The following SETD1B variants were observed in gnomAD, a reference collection of about 807,000 sequenced individuals.
SETD1B encodes histone-lysine N-methyltransferase SETD1B.
A neutral mutation model predicts 148.0 loss-of-function variants in SETD1B; 7 were observed. The ratio of observed to expected loss-of-function variants is 0.05; its 90% CI spans 0.03 to 0.09. The LOEUF is 0.09. Among genes scored for constraint, SETD1B ranks in the 10% least tolerant of loss-of-function variants. The pLI, the probability that SETD1B is intolerant of heterozygous loss-of-function variation, is 1.00. For missense variants in SETD1B, 2,155 were observed against 2,729.9 expected (o/e 0.79, Z 4.69); for synonymous variants, 1,361 against 1,186.5 (o/e 1.15, Z -3.02).
chr12:121,813,362 A>C (rs1283561710), intron 6 of SETD1B, among the ~76,000 whole-genome samples: 3 of 152,178 alleles, frequency 2.0e-5, no homozygotes, highest in South Asian at 4.2e-4. Context: ...GTGCTGCTAA[A>C]CCCCCGCTCC....
chr12:121,799,717 T>TGGGGGGGGGGGGGGGGGGG (rs1456064145), upstream of SETD1B: 25 of 19,136 alleles, frequency 1.3e-3, no homozygotes, highest in East Asian at 2.0e-3. Flanking sequence ...CGCTCGCAGC[T>TGGGGGGGGGGGGGGGGGGG]GGGGGGGGGG....
rs1441873478 is a variant in SETD1B, at chr12:121,823,530, G to A, written c.4951G>A (p.Glu1651Lys). ...PWRRPPKKRH[E>K]DLVPPAGSPE... ...GCGCCGGCCACCTAAGAAGCGCCAT[G>A]AGGACCTGGTGCCACCTGCGGGCTC... The change falls in exon 12 of 17, where the codon GAG becomes AAG. Residue 1651 changes from glutamate (E) to lysine (K), a missense_variant. By Grantham distance (56) the Glu-to-Lys change is moderately conservative. This residue lies in a region of SETD1B where 862 missense variants were observed against 873.8 expected (regional missense o/e 0.99). Coordinates refer to ENST00000604567, the MANE Select transcript of SETD1B (RefSeq NM_001353345.2). The A allele has an allele frequency of 1.3e-6, 2 of 1,551,156 alleles. No homozygotes were observed. The highest frequency in any genetic ancestry group is 3.9e-5 in the Admixed American group (2 of 51,008).
At chr12:121,792,887 G>A in the SETD1B span, among the ~76,000 whole-genome samples, 1 of 152,254 alleles carries the variant, frequency 6.6e-6, no homozygotes, top group South Asian at 2.1e-4. Context: ...TAGAACCACA[G>A]GAGAGGAACG....
At chr12:121,829,599 T>A (rs1053993326) in intron 16 of SETD1B, among the ~76,000 whole-genome samples, 2 of 152,248 alleles carry the variant, frequency 1.3e-5, no homozygotes, top group African/African-American at 4.8e-5. Flanking sequence ...AGATAATAAA[T>A]GTTTTTGGCT....
chr12:121,817,139 G>A lies in SETD1B; in HGVS notation c.2822G>A (p.Gly941Asp). Residue 941 changes from glycine (G) to aspartate (D), a missense_variant, in exon 8 of 17, where the codon GGC becomes GAC. By Grantham distance (94) the Gly-to-Asp change is moderately conservative (BLOSUM62 -1). Around this residue, in one of 11 missense-constraint regions of SETD1B, gnomAD observed 289 missense variants for 423.7 expected, o/e 0.68. Coordinates refer to ENST00000604567, the MANE Select transcript of SETD1B (RefSeq NM_001353345.2). The surrounding 1 kb of genome is among the most constrained non-coding windows in gnomAD (Gnocchi z 8.1). ...CLLESWGKGEGLGYEGLGLGI... is the reference protein window; with the variant it reads ...CLLESWGKGEDLGYEGLGLGI... Reference sequence around the variant, plus strand: ...CTGGAGTCATGGGGCAAGGGCGAGGGCCTGGGCTACGAGGGCCTGGGCCTG... The same window carrying A: ...CTGGAGTCATGGGGCAAGGGCGAGGACCTGGGCTACGAGGGCCTGGGCCTG... 27 of 1,548,844 alleles carry A rather than the reference G, an allele frequency of 1.7e-5. No homozygotes were observed. Among genetic ancestry groups the A allele is most frequent in the Non-Finnish European group, 2.3e-5 (26 of 1,146,892 alleles).
Position 121,814,759 on chromosome 12 carries a change from C to T in SETD1B, c.2544C>T (p.Gly848=), listed in dbSNP as rs963108651. Residue 848 remains glycine, a synonymous_variant, in exon 7 of 17, where the codon GGC becomes GGT. Transcript: ENST00000604567. The stretch of plus-strand genomic sequence containing the variant: ...TTGACCCGTCAGTGCCTCCACCAGG[C>T]TACATGCCACGCCAGGAGGACCCAC... ...PKFDPSVPPP[G]YMPRQEDPHK... is the part of the protein sequence containing the mutation. 2 of 1,551,416 alleles carry T rather than the reference C, an allele frequency of 1.3e-6. No individual in the cohort carries two copies. The highest frequency in any genetic ancestry group is 3.9e-5 in the Admixed American group (2 of 51,012).
Position 121,827,607 on chromosome 12 carries a change from C to T in SETD1B, c.5426C>T (p.Thr1809Ile). Residue 1809 changes from threonine (T) to isoleucine (I), a missense_variant, in exon 14 of 17, where the codon ACT becomes ATT. Around this residue, in one of 11 missense-constraint regions of SETD1B, gnomAD observed 51 missense variants for 162.8 expected, o/e 0.31. Transcript: ENST00000604567. The stretch of plus-strand genomic sequence containing the variant: ...CAGCGCCGCCTGCTGTCCTCCTTCA[C>T]TGGCAGCTGTGACAGTGACCTGCTC... ...SEQRRLLSSF[T>I]GSCDSDLLKF... The T allele has an allele frequency of 6.4e-7, 1 of 1,551,480 alleles. No homozygotes were observed. The highest frequency in any genetic ancestry group is 1.2e-5 in the South Asian group (1 of 84,068).
At chr12:121,825,485 CAG>C (rs1297968873) in intron 13 of SETD1B, 119 bp downstream of exon 13, 2 of 837,898 alleles carry the variant, frequency 2.4e-6, no homozygotes, top group African/African-American at 1.8e-5. Flanking sequence ...GGCTGGCACA[CAG>C]AGGGTGCAAG....
At chr12:121,825,482 A>G (rs181665281) in intron 13 of SETD1B, 116 bp downstream of exon 13, 1 of 925,572 alleles carries the variant, frequency 1.1e-6, no homozygotes, top group African/African-American at 1.7e-5. Flanking sequence ...AGGGGCTGGC[A>G]CACAGAGGGT....
chr12:121,822,933 A>G lies in SETD1B; in HGVS notation c.4354A>G (p.Thr1452Ala). The change falls in exon 12 of 17, where the codon ACT (threonine) becomes GCT (alanine). Residue 1452 changes from threonine to alanine, a missense_variant. Thr to Ala is a moderately conservative substitution (Grantham distance 58). This residue lies in a region of SETD1B where 862 missense variants were observed against 873.8 expected (regional missense o/e 0.99). Transcript: ENST00000604567. ...GCTCCTGCCCGTCTGCCCACTCCCC[A>G]CTGGCCGACGCGATGAACGCTCCGG... The part of the protein sequence containing the change: ...PLLLPVCPLP[T>A]GRRDERSGPL... 1 of 1,530,986 alleles carries G rather than the reference A, an allele frequency of 6.5e-7. No individual in the cohort carries two copies. The highest frequency in any genetic ancestry group is 8.8e-7 in the Non-Finnish European group (1 of 1,136,460). 94.8% of individuals were successfully genotyped at this position (1,530,986 alleles called of 1,614,324 possible).
At chr12:121,813,758 C>G (rs902986827) in intron 6 of SETD1B, among the ~76,000 whole-genome samples, 2 of 152,152 alleles carry the variant, frequency 1.3e-5, no homozygotes, top group African/African-American at 2.4e-5. Context: ...CCGTATTCAC[C>G]CTCATCATCC....
upstream of SETD1B, chr12:121,800,506 G>C (rs1454348084): frequency 6.6e-6 from 1 of 151,934 alleles, no homozygotes; most frequent in African/African-American, 2.4e-5. Flanking sequence ...GTGGGACCCG[G>C]GGCGGCCTCG....
chr12:121,820,142 T>C (rs1566556111), intron 11 of SETD1B, among the ~76,000 whole-genome samples: 1 of 152,220 alleles, frequency 6.6e-6, no homozygotes. Flanking sequence ...ACTGCCAGCG[T>C]TTCCCTGGTG....
the SETD1B span, chr12:121,793,561 C>T: frequency 6.4e-7 from 1 of 1,551,526 alleles, no homozygotes; most frequent in South Asian, 1.2e-5. Context: ...CCGTCGCCCA[C>T]GATCACGATC....
In SETD1B at chr12:121,810,598, G is replaced by A. The variant is rs780252152; in HGVS notation, c.1653G>A (p.Gln551=). ...TGGCCCCCTTTGGCACCAACTCCCAGCCAGGCTTCCGGGGCCCCACGCCCC... is the reference window on the plus strand; with the variant it reads ...TGGCCCCCTTTGGCACCAACTCCCAACCAGGCTTCCGGGGCCCCACGCCCC... The part of the protein sequence containing the change: ...SPLAPFGTNS[Q]PGFRGPTPPS... The change falls in exon 6 of 17, where the codon CAG becomes CAA. Residue 551 remains glutamine (Q), a synonymous_variant. Coordinates refer to ENST00000604567, the MANE Select transcript of SETD1B (RefSeq NM_001353345.2). The surrounding 1 kb of genome is among the most constrained non-coding windows in gnomAD (Gnocchi z 7.6). 3.5e-5 allele frequency: 54 copies of A among 1,548,260 alleles called. No individual in the cohort carries two copies. The highest frequency in any genetic ancestry group is 4.5e-5 in the Non-Finnish European group (52 of 1,146,700).
chr12:121,817,552 G>A lies in SETD1B; in HGVS notation c.3160G>A (p.Gly1054Arg), dbSNP rs1592983394. Residue 1054 changes from glycine to arginine, a missense_variant, in exon 9 of 17, where the codon GGG becomes AGG. Gly to Arg is a moderately radical substitution (Grantham distance 125). Coordinates refer to ENST00000604567, the MANE Select transcript of SETD1B (RefSeq NM_001353345.2). The surrounding 1 kb of genome is among the most constrained non-coding windows in gnomAD (Gnocchi z 8.1). ...GTCCTCATCCGCGTCATCATCCTCG[G>A]GGTCCTCAACCACCTCACCCTCGTC... is the stretch of plus-strand genomic sequence containing the variant. ...SSSSSASSSSGSSTTSPSSSA... is the reference protein window; with the variant it reads ...SSSSSASSSSRSSTTSPSSSA... 5.8e-6 allele frequency: 9 copies of A among 1,551,530 alleles called. No homozygotes were observed. In the East Asian group the frequency reaches 2.2e-4, roughly 38 times the overall value.
At chr12:121,827,906 G>T (rs576481409) in intron 15 of SETD1B, 27 bp from the exon 16 acceptor site, 1 of 1,552,312 alleles carries the variant, frequency 6.4e-7, no homozygotes, top group African/African-American at 1.4e-5. Flanking sequence ...GGCCGGCCCA[G>T]CCAGACTGAC....
chr12:121,815,823 C>CTT lies in SETD1B; in HGVS notation c.2715+912_2715+913dup, dbSNP rs994063316. On this transcript the variant is annotated intron_variant, in intron 7 of 16. Coordinates refer to ENST00000604567, the MANE Select transcript of SETD1B (RefSeq NM_001353345.2). ...GCCTACTTACTATTTTCTTTTCTTT[C>CTT]TTTTTTTTTTTTTTTTTTTTCGGAG... Among the ~76,000 whole-genome samples the CTT allele has an allele frequency of 7.3e-3, 860 of 118,156 alleles. 10 individuals are homozygous for CTT. The highest frequency in any genetic ancestry group is 0.026 in the African/African-American group (813 of 30,752). 77.5% of individuals were successfully genotyped at this position (118,156 alleles called of 152,430 possible).
chr12:121,828,925 G>A (rs1407910528), intron 16 of SETD1B, among the ~76,000 whole-genome samples: 1 of 152,340 alleles, frequency 6.6e-6, no homozygotes, highest in East Asian at 1.9e-4. Flanking sequence ...TCCTTGCCTG[G>A]GTGGTAGGGA....
Sources: allele counts gnomAD v4.1 joint callset (sites outside exome capture counted in the v4.1 genomes callset), GRCh38; gene constraint gnomAD v4.1.1; regional missense constraint gnomAD v4.1.1; non-coding constraint Gnocchi (gnomAD v3.1); transcripts MANE v1.5; gene names NCBI Gene and HGNC (gene_info 2026-07-23, HGNC 2026-07-21).